The following CLIP4 variants were observed in gnomAD, a reference collection of about 807,000 sequenced individuals.
The protein encoded by CLIP4 is CAP-Gly domain containing linker protein family member 4.
A neutral mutation model predicts 73.1 loss-of-function variants in CLIP4; 47 were observed. The ratio of observed to expected loss-of-function variants is 0.64; its 90% CI spans 0.51 to 0.82. The LOEUF is 0.82. CLIP4 is among the 40% of genes least tolerant of loss of function. The pLI, the probability that CLIP4 is intolerant of heterozygous loss-of-function variation, is 0.00. For missense variants in CLIP4, 874 were observed against 852.9 expected (o/e 1.02, Z -0.31); for synonymous variants, 306 against 295.4 (o/e 1.04, Z -0.37).
intron 15 of CLIP4, among the ~76,000 whole-genome samples, chr2:29,178,316 A>G (rs898325522): frequency 6.6e-6 from 1 of 152,110 alleles, no homozygotes; most frequent in African/African-American, 2.4e-5. Flanking sequence ...AGTAGCCAGG[A>G]TTACAGGCTC....
chr2:29,121,062 T>TA (rs1002084017), intron 1 of CLIP4, among the ~76,000 whole-genome samples: 1 of 152,206 alleles, frequency 6.6e-6, no homozygotes, highest in Non-Finnish European at 1.5e-5. Context: ...CCTTGTTTGT[T>TA]ACATGAGTAG....
chr2:29,135,209 A>G (rs887694257), intron 5 of CLIP4, among the ~76,000 whole-genome samples: 6 of 152,222 alleles, frequency 3.9e-5, no homozygotes, highest in African/African-American at 1.4e-4. Flanking sequence ...TGTAGTTGTC[A>G]TGGCAAATAT....
intron 8 of CLIP4, among the ~76,000 whole-genome samples, chr2:29,150,726 C>T (rs1666505587): frequency 7.3e-6 from 1 of 137,286 alleles, no homozygotes; most frequent in African/African-American, 2.7e-5. Context: ...CAGGTTCAAG[C>T]GATTCTCCTG....
Position 29,120,042 on chromosome 2 carries a change from T to C in CLIP4, c.-15-1332T>C, listed in dbSNP as rs577066094. Among the ~76,000 whole-genome samples, 6 of 152,310 alleles carry C rather than the reference T, an allele frequency of 3.9e-5. No homozygotes were observed. In the East Asian group the frequency reaches 1.2e-3, roughly 29 times the overall value. ...AATAAATACTCATTACTGTTTGGAA[T>C]TGATAGTATTTGAGGAAGATCACCG... is the stretch of plus-strand genomic sequence containing the variant. On this transcript the variant is annotated intron_variant, in intron 1 of 15. Coordinates refer to ENST00000320081, the MANE Select transcript of CLIP4 (RefSeq NM_024692.6).
chr2:29,136,516 C>T (rs1264680984), intron 6 of CLIP4, among the ~76,000 whole-genome samples: 2 of 151,972 alleles, frequency 1.3e-5, no homozygotes, highest in African/African-American at 4.8e-5. Flanking sequence ...AAGCCCTTGC[C>T]CTCAAAAAGA....
intron 8 of CLIP4, among the ~76,000 whole-genome samples, chr2:29,147,154 A>G (rs546287913): frequency 5.3e-5 from 8 of 152,178 alleles, no homozygotes; most frequent in South Asian, 2.1e-4. Flanking sequence ...AATTTTTCCA[A>G]TTTGACAGAT....
At position 29,181,963 on chromosome 2, in the gene CLIP4, T is replaced by G. The variant is rs538619487; in HGVS notation, c.*70T>G. On this transcript the variant is annotated 3_prime_UTR_variant, in exon 16 of 16. Transcript: ENST00000320081. ...AATAAAGAGTCCATGGTAAATGGTT[T>G]ACTTTATTTAGCCATATTAAAATTT... 91 of 1,307,030 alleles carry G rather than the reference T, an allele frequency of 7.0e-5. No individual in the cohort carries two copies. In the African/African-American group the frequency reaches 1.2e-3, roughly 17 times the overall value. The allele number at this position is 1,307,030 out of a possible 1,614,324, so 81.0% of individuals were successfully genotyped here. A position where few individuals can be genotyped will look rare whatever the true frequency, so the allele number is the denominator to read the frequency against.
At chr2:29,117,724 T>C (rs1324308735) in intron 1 of CLIP4, among the ~76,000 whole-genome samples, 1 of 152,226 alleles carries the variant, frequency 6.6e-6, no homozygotes, top group Admixed American at 6.5e-5. Flanking sequence ...GAAGCCTTCG[T>C]TGACCCTCTT....
intron 2 of CLIP4, among the ~76,000 whole-genome samples, chr2:29,130,182 A>G (rs1664875927): frequency 1.3e-5 from 2 of 152,208 alleles, no homozygotes; most frequent in Admixed American, 1.3e-4. Flanking sequence ...CCTGGGTACC[A>G]GCACCTAGTT....
chr2:29,109,870 C>A (rs529370942), intron 1 of CLIP4, among the ~76,000 whole-genome samples: 1 of 151,976 alleles, frequency 6.6e-6, no homozygotes. Context: ...CCAGCCTGGC[C>A]GTCATAGCGA....
intron 6 of CLIP4, among the ~76,000 whole-genome samples, chr2:29,143,205 T>A (rs1437358519): frequency 6.6e-6 from 1 of 152,198 alleles, no homozygotes; most frequent in African/African-American, 2.4e-5. Context: ...CAGAATGCTC[T>A]CCGTTTAGGA....
At position 29,136,681 on chromosome 2, in the gene CLIP4, A is replaced by G. The variant is rs372504721; in HGVS notation, c.648+1015A>G. ...TGACATCTAAATCAAGTGCTTACAT[A>G]GGCAAGAATTAAACAGGTACTGAAG... On this transcript the variant is annotated intron_variant, in intron 6 of 15. Coordinates refer to ENST00000320081, the MANE Select transcript of CLIP4 (RefSeq NM_024692.6). 2.0e-5 allele frequency among the ~76,000 whole-genome samples: 3 copies of G among 152,126 alleles called. No homozygotes were observed. In the East Asian group the frequency reaches 5.8e-4, roughly 29 times the overall value.
chr2:29,177,480 C>T (rs1668412460), intron 15 of CLIP4, among the ~76,000 whole-genome samples: 1 of 151,608 alleles, frequency 6.6e-6, no homozygotes, highest in Admixed American at 6.6e-5. Context: ...ACTTGCGATG[C>T]TGAGGCAGGA....
intron 8 of CLIP4, 152 bp from the exon 9 acceptor site, chr2:29,152,533 A>G (rs1179129905): frequency 3.0e-6 from 2 of 671,840 alleles, no homozygotes; most frequent in Non-Finnish European, 4.9e-6. Context: ...GAGGGTAAGT[A>G]CTGTGTCTTA....
chr2:29,135,716 T>C (rs1381091168), intron 6 of CLIP4, 50 bp downstream of exon 6: 3 of 1,296,332 alleles, frequency 2.3e-6, no homozygotes, highest in Admixed American at 2.2e-5. Flanking sequence ...TAAGAAATCT[T>C]ACTTTCTGGT....
At position 29,131,285 on chromosome 2, in the gene CLIP4, C is replaced by T; in HGVS notation, c.161C>T (p.Ala54Val). ...CEFSFFDPND[A>V]SCQEILFDPK... ...TTTTCTTTCTTTGATCCTAATGATG[C>T]ATCATGCCAGGAAATTCTTTTTGAT... The change falls in exon 3 of 16, where the codon GCA becomes GTA. Residue 54 changes from alanine to valine, a missense_variant. Ala to Val is a moderately conservative substitution (Grantham distance 64, BLOSUM62 0). Transcript: ENST00000320081. 6.2e-7 allele frequency: 1 copy of T among 1,606,472 alleles called. No homozygotes were observed. Among genetic ancestry groups the T allele is most frequent in the Non-Finnish European group, 8.5e-7 (1 of 1,176,900 alleles).
chr2:29,124,373 T>C (rs1664456642), intron 2 of CLIP4, among the ~76,000 whole-genome samples: 1 of 152,138 alleles, frequency 6.6e-6, no homozygotes, highest in South Asian at 2.1e-4. Flanking sequence ...AGATGTAATG[T>C]CTTTTTTTTG....
At chr2:29,151,424 A>AGAGT (rs1666557659) in intron 8 of CLIP4, among the ~76,000 whole-genome samples, 2 of 152,014 alleles carry the variant, frequency 1.3e-5, no homozygotes, top group Admixed American at 6.6e-5. Flanking sequence ...AGAGAGAGAG[A>AGAGT]GAGTGTGTGT....
rs1298698427 is a variant in CLIP4, at chr2:29,143,932, T to C, written c.872T>C (p.Ile291Thr). 3.7e-6 allele frequency: 6 copies of C among 1,614,108 alleles called. No homozygotes were observed. Among genetic ancestry groups the C allele is most frequent in the Non-Finnish European group, 4.2e-6 (5 of 1,179,940 alleles). The change falls in exon 7 of 16, where the codon ATT becomes ACT. Residue 291 changes from isoleucine (I) to threonine (T), a missense_variant. By Grantham distance (89) the Ile-to-Thr change is moderately conservative. Transcript: ENST00000320081. ...LGLKLGDRVV[I>T]AGQKVGTLRF... ...CTGAAGTTGGGGGATCGTGTTGTTA[T>C]TGCAGGACAGAAGGTACAGTAAGTA...
Sources: allele counts gnomAD v4.1 joint callset (sites outside exome capture counted in the v4.1 genomes callset), GRCh38; gene constraint gnomAD v4.1.1; transcripts MANE v1.5; gene names NCBI Gene and HGNC (gene_info 2026-07-23, HGNC 2026-07-21).